The following TTC39A variants were observed in gnomAD, a reference collection of about 807,000 sequenced individuals.
The protein encoded by TTC39A is tetratricopeptide repeat protein 39A.
A neutral mutation model predicts 82.3 loss-of-function variants in TTC39A; 46 were observed. The ratio of observed to expected loss-of-function variants is 0.56; its 90% confidence interval spans 0.44 to 0.71. The LOEUF is 0.71. Among genes scored for constraint, TTC39A ranks in the 30% least tolerant of loss-of-function variants. TTC39A has a pLI of 0.00. For missense variants in TTC39A, 543 were observed against 712.9 expected (o/e 0.76, Z 2.71); for synonymous variants, 254 against 275.2 (o/e 0.92, Z 0.76).
At chr1:51,305,693 A>T (rs1644841973) in intron 7 of TTC39A, 1 of 483,138 alleles carries the variant, frequency 2.1e-6, no homozygotes, top group Non-Finnish European at 3.8e-6. Context: ...TGTGTGTGCC[A>T]AGGTCGGGTG....
At chr1:51,311,571 C>A (rs1041004232) in intron 4 of TTC39A, among the ~76,000 whole-genome samples, 2 of 152,182 alleles carry the variant, frequency 1.3e-5, no homozygotes, top group African/African-American at 2.4e-5. Context: ...GGCGTTAGAA[C>A]CTTCCAGGGC....
At chr1:51,311,532 T>A (rs1403210354) in intron 4 of TTC39A, among the ~76,000 whole-genome samples, 1 of 152,228 alleles carries the variant, frequency 6.6e-6, no homozygotes, top group Non-Finnish European at 1.5e-5. Flanking sequence ...GTAGGTGCTG[T>A]GTACCCAGCA....
At chr1:51,303,055 CA>C in intron 9 of TTC39A, 28 bp downstream of exon 9, 1 of 1,556,298 alleles carries the variant, frequency 6.4e-7, no homozygotes, top group Non-Finnish European at 8.7e-7. Context: ...GACCAAACCC[CA>C]GGGCCCCAGG....
At position 51,288,573 on chromosome 1, in the gene TTC39A, C is replaced by T. The variant is rs140852178; in HGVS notation, c.1610+266G>A. ...GGAAGGCAGGAGGCATGGGTCCTCA[C>T]ACAGCCATGCAGTTGGCTTCTGATG... On this transcript the variant is annotated intron_variant, in intron 17 of 17. Transcript: ENST00000680483. This position sits in a 1 kb window ranked among gnomAD's most constrained non-coding sequence, Gnocchi z 4.8. 2.8e-4 allele frequency among the ~76,000 whole-genome samples: 42 copies of T among 152,306 alleles called. No homozygotes were observed. The highest frequency in any genetic ancestry group is 5.6e-4 in the Non-Finnish European group (38 of 68,022).
At chr1:51,343,128 A>C (rs1039187293) in intron 1 of TTC39A, 1 of 454,326 alleles carries the variant, frequency 2.2e-6, no homozygotes, top group African/African-American at 2.0e-5. Context: ...CTCCTCAGAA[A>C]TCATCCCATG....
In TTC39A at chr1:51,296,150, C is replaced by T; in HGVS notation, c.1074G>A (p.Lys358=). ...CWSKATYIYM[K]AAYLSMFGKE... ...TCCCAAACATGCTGAGGTAGGCGGC[C>T]TTCATGTAAATGTAGGTGGCCTGTG... The change falls in exon 13 of 18, where the codon AAG becomes AAA. Residue 358 remains lysine, a synonymous_variant. Transcript: ENST00000680483. 1 of 1,597,024 alleles carries T rather than the reference C, an allele frequency of 6.3e-7. No homozygotes were observed. The highest frequency in any genetic ancestry group is 8.5e-7 in the Non-Finnish European group (1 of 1,171,934).
At chr1:51,334,043 C>T (rs896380555), upstream of TTC39A, among the ~76,000 whole-genome samples, 4 of 152,116 alleles carry the variant, frequency 2.6e-5, no homozygotes, top group Middle Eastern at 3.4e-3. Context: ...TGCCGACTTC[C>T]AAGGTTGCTC....
intron 5 of TTC39A, among the ~76,000 whole-genome samples, chr1:51,310,930 G>C (rs1173995487): frequency 6.6e-6 from 1 of 152,234 alleles, no homozygotes; most frequent in Non-Finnish European, 1.5e-5. Flanking sequence ...CTTGTTGAAC[G>C]AATCAAATGG....
At chr1:51,301,528 C>T in intron 12 of TTC39A, 44 bp downstream of exon 12, 3 of 1,543,446 alleles carry the variant, frequency 1.9e-6, no homozygotes, top group Non-Finnish European at 2.6e-6. Flanking sequence ...GGCACACAGT[C>T]AGCCCTGGTC....
At chr1:51,324,198 T>C (rs1324020937) in intron 1 of TTC39A, among the ~76,000 whole-genome samples, 5 of 152,190 alleles carry the variant, frequency 3.3e-5, no homozygotes, top group Non-Finnish European at 7.3e-5. Context: ...GCTGTCTAAC[T>C]TTGCTGGTGG....
chr1:51,330,375 C>A lies in TTC39A; in HGVS notation c.41+62G>T, dbSNP rs1645865617. ...GGGGGGAGGCCTGGCGCGGCGCCCG[C>A]CACCTGCCCGGGCCCCAGCCCGCGC... On this transcript the variant is annotated intron_variant, in intron 1 of 17. Transcript: ENST00000680483. The surrounding 1 kb of genome is among the most constrained non-coding windows in gnomAD (Gnocchi z 4.5). 54 of 954,416 alleles carry A rather than the reference C, an allele frequency of 5.7e-5. 3 individuals carry two copies. In the South Asian group the frequency reaches 2.2e-3, roughly 39 times the overall value. The allele number at this position is 954,416 out of a possible 1,614,324, so 59.1% of individuals were successfully genotyped here. A position where few individuals can be genotyped will look rare whatever the true frequency, so the allele number is the denominator to read the frequency against.
chr1:51,313,848 A>AT (rs1337350913), intron 2 of TTC39A, among the ~76,000 whole-genome samples: 4 of 152,116 alleles, frequency 2.6e-5, no homozygotes, highest in African/African-American at 9.7e-5. Flanking sequence ...AGTAATAATA[A>AT]TTTTTTTAAA....
At chr1:51,336,279 A>G (rs1157468258), upstream of TTC39A, among the ~76,000 whole-genome samples, 1 of 152,160 alleles carries the variant, frequency 6.6e-6, no homozygotes, top group Non-Finnish European at 1.5e-5. Context: ...GGAAGGATCT[A>G]TTCCTGCTCC....
chr1:51,343,925 A>G (rs1363770188), intron 1 of TTC39A, among the ~76,000 whole-genome samples: 1 of 152,174 alleles, frequency 6.6e-6, no homozygotes, highest in African/African-American at 2.4e-5. Flanking sequence ...TAAAGCAGAA[A>G]ATGGCTTGGT....
intron 14 of TTC39A, among the ~76,000 whole-genome samples, chr1:51,293,119 G>A (rs1644285179): frequency 6.7e-6 from 1 of 149,874 alleles, no homozygotes; most frequent in South Asian, 2.1e-4. Flanking sequence ...CCAGGCTGGA[G>A]TGCAATGGCA....
At chr1:51,320,027 T>C (rs1645436593) in intron 2 of TTC39A, among the ~76,000 whole-genome samples, 1 of 151,808 alleles carries the variant, frequency 6.6e-6, no homozygotes, top group Non-Finnish European at 1.5e-5. Context: ...CCCTGGCAAA[T>C]GAGGGGGACA....
chr1:51,305,947 G>A (rs1305383059), intron 7 of TTC39A, 30 bp downstream of exon 7: 1 of 1,604,214 alleles, frequency 6.2e-7, no homozygotes, highest in South Asian at 1.1e-5. Context: ...CTCAAGCCAG[G>A]TGCTGTGGAA....
Position 51,301,594 on chromosome 1 carries a change from C to A in TTC39A, c.1031G>T (p.Ser344Ile). The A allele has an allele frequency of 6.2e-7, 1 of 1,611,006 alleles. No homozygotes were observed. The change falls in exon 12 of 18, where the codon AGC becomes ATC. Residue 344 changes from serine (S) to isoleucine (I), a missense_variant. Transcript: ENST00000680483. ...CACCTTGGACCAGCAGTTCTCCTTGCTGAGCAGGTCGGCGTAGAAGTAGGA... is the reference window on the plus strand; with the variant it reads ...CACCTTGGACCAGCAGTTCTCCTTGATGAGCAGGTCGGCGTAGAAGTAGGA... ...KMSYFYADLL[S>I]KENCWSKATY...
chr1:51,294,572 C>T lies in TTC39A; in HGVS notation c.1146-61G>A. On this transcript the variant is annotated intron_variant, in intron 13 of 17. Coordinates refer to ENST00000680483, the MANE Select transcript of TTC39A (RefSeq NM_001297663.2). The surrounding 1 kb of genome is among the most constrained non-coding windows in gnomAD (Gnocchi z 4.3). Reference sequence around the variant, plus strand: ...AAAGAGCAGGAGAGGGCAGAGGGTCCCCAGCCTACCCAGCTATGCTTGGCG... The same window carrying T: ...AAAGAGCAGGAGAGGGCAGAGGGTCTCCAGCCTACCCAGCTATGCTTGGCG... 6.2e-7 allele frequency: 1 copy of T among 1,603,458 alleles called. No individual in the cohort carries two copies. The highest frequency in any genetic ancestry group is 8.5e-7 in the Non-Finnish European group (1 of 1,175,344).
Sources: allele counts gnomAD v4.1 joint callset (sites outside exome capture counted in the v4.1 genomes callset), GRCh38; gene constraint gnomAD v4.1.1; non-coding constraint Gnocchi (gnomAD v3.1); transcripts MANE v1.5; gene names NCBI Gene and HGNC (gene_info 2026-07-23, HGNC 2026-07-21).